Variants in FBXO4 observed in about 807,000 individuals in gnomAD.
The protein encoded by FBXO4 is F-box protein 4.
In FBXO4, 36 loss-of-function variants were observed where a neutral mutation model predicts 43.7. The ratio of observed to expected loss-of-function variants is 0.82; its 90% CI spans 0.63 to 1.09. The LOEUF is 1.09. FBXO4 is among the 50% of genes least tolerant of loss of function. The pLI, the probability that FBXO4 is intolerant of heterozygous loss-of-function variation, is 0.00. For missense variants in FBXO4, 435 were observed against 474.1 expected (o/e 0.92, Z 0.77); for synonymous variants, 180 against 165.6 (o/e 1.09, Z -0.67).
downstream of FBXO4, among the ~76,000 whole-genome samples, chr5:41,944,445 A>G (rs571784207): frequency 5.3e-5 from 8 of 152,310 alleles, no homozygotes; most frequent in South Asian, 1.2e-3. Flanking sequence ...TAGAAGAGAG[A>G]AACTTTCTCA....
Position 41,933,910 on chromosome 5 carries a change from A to G in FBXO4, c.647-36A>G, listed in dbSNP as rs1751769704. 9 of 1,538,094 alleles carry G rather than the reference A, an allele frequency of 5.9e-6. No individual in the cohort carries two copies. The East Asian group carries it at 2.0e-4, about 35-fold the overall frequency. ...GTGTGATCTTTTGCTATTTTTATTA[A>G]TGATTTGTTTTGGTAACTGTGATTT... On this transcript the variant is annotated intron_variant, in intron 3 of 6. Coordinates refer to ENST00000281623, the MANE Select transcript of FBXO4 (RefSeq NM_012176.3).
the FBXO4 span, among the ~76,000 whole-genome samples, chr5:42,010,940 A>C: frequency 6.6e-6 from 1 of 151,978 alleles, no homozygotes; most frequent in Non-Finnish European, 1.5e-5. Flanking sequence ...GGTTTGTTAC[A>C]TAGGTATATA....
the FBXO4 span, among the ~76,000 whole-genome samples, chr5:41,961,482 C>A: frequency 6.6e-6 from 1 of 152,286 alleles, no homozygotes; most frequent in East Asian, 1.9e-4. Context: ...ATGATAATGG[C>A]ACAGGTGTCT....
chr5:41,964,225 T>G, the FBXO4 span, among the ~76,000 whole-genome samples: 10 of 152,348 alleles, frequency 6.6e-5, 1 homozygote, highest in East Asian at 1.7e-3. Flanking sequence ...TTAGTCTTTC[T>G]TGTACTCTGA....
At chr5:41,984,359 T>G in the FBXO4 span, among the ~76,000 whole-genome samples, 1 of 152,232 alleles carries the variant, frequency 6.6e-6, no homozygotes, top group Non-Finnish European at 1.5e-5. Context: ...TCACCTCCAC[T>G]TCTTTAAATT....
At chr5:42,011,391 T>A in the FBXO4 span, among the ~76,000 whole-genome samples, 1 of 152,190 alleles carries the variant, frequency 6.6e-6, no homozygotes, top group African/African-American at 2.4e-5. Context: ...ACATGCCCAT[T>A]ACCAGAAAGC....
At chr5:42,009,059 G>T in the FBXO4 span, among the ~76,000 whole-genome samples, 1 of 152,116 alleles carries the variant, frequency 6.6e-6, no homozygotes, top group African/African-American at 2.4e-5. Flanking sequence ...CCTCATTCCC[G>T]CTAGACTTTC....
the FBXO4 span, among the ~76,000 whole-genome samples, chr5:41,997,903 C>T: frequency 6.6e-6 from 1 of 152,158 alleles, no homozygotes; most frequent in Non-Finnish European, 1.5e-5. Context: ...TCAAAGGGTT[C>T]TAGGCCTATA....
chr5:42,021,379 C>T, the FBXO4 span, among the ~76,000 whole-genome samples: 1 of 152,048 alleles, frequency 6.6e-6, no homozygotes, highest in African/African-American at 2.4e-5. Context: ...TCAGAGATGA[C>T]TCCTAGGTCT....
At chr5:42,027,045 G>A in the FBXO4 span, among the ~76,000 whole-genome samples, 189 of 151,896 alleles carry the variant, frequency 1.2e-3, no homozygotes, top group African/African-American at 4.5e-3. Flanking sequence ...TTGGGATCGG[G>A]GTAATGCTGG....
chr5:41,927,050 C>A lies in FBXO4; in HGVS notation c.227C>A (p.Pro76His). 1.2e-6 allele frequency: 2 copies of A among 1,613,144 alleles called. No homozygotes were observed. The highest frequency in any genetic ancestry group is 1.7e-6 in the Non-Finnish European group (2 of 1,179,634). The change falls in exon 2 of 7, where the codon CCT becomes CAT. Residue 76 changes from proline (P) to histidine (H), a missense_variant. Transcript: ENST00000281623. ...CTATATATTTTGTCCTTTCTTTCAC[C>A]TCATGATCTGTGTCAGTTGGGAAGT... Reference protein sequence around the residue: ...VQLYILSFLSPHDLCQLGSTN... With the variant: ...VQLYILSFLSHHDLCQLGSTN...
the FBXO4 span, among the ~76,000 whole-genome samples, chr5:41,962,723 G>C: frequency 2.6e-5 from 4 of 152,096 alleles, no homozygotes; most frequent in African/African-American, 9.7e-5. Context: ...GTTTCTCTTA[G>C]CATTCCTACC....
chr5:41,934,943 TGTATATA>T, intron 5 of FBXO4: 1 of 941,282 alleles, frequency 1.1e-6, no homozygotes, highest in Non-Finnish European at 1.3e-6. Context: ...CATAATATAT[TGTATATA>T]TATTATAGTT....
At chr5:41,949,909 C>T in the FBXO4 span, among the ~76,000 whole-genome samples, 1 of 152,072 alleles carries the variant, frequency 6.6e-6, no homozygotes, top group Non-Finnish European at 1.5e-5. Flanking sequence ...GAAATAATGC[C>T]ACATATCTAC....
the FBXO4 span, among the ~76,000 whole-genome samples, chr5:42,006,820 A>G: frequency 6.7e-6 from 1 of 148,456 alleles, no homozygotes; most frequent in African/African-American, 2.5e-5. Flanking sequence ...TTTGCAGAAT[A>G]TAGCCAAGGC....
At chr5:41,927,402 C>T in intron 2 of FBXO4, among the ~76,000 whole-genome samples, 154 bp downstream of exon 2, 1 of 152,210 alleles carries the variant, frequency 6.6e-6, no homozygotes, top group East Asian at 1.9e-4. Context: ...TGACTTCCTT[C>T]ATAGGACCCT....
the FBXO4 span, among the ~76,000 whole-genome samples, chr5:42,035,003 ATTTG>A: frequency 6.6e-6 from 1 of 151,998 alleles, no homozygotes; most frequent in African/African-American, 2.4e-5. Context: ...ATGTTTTTCC[ATTTG>A]TTTGTGTCCT....
chr5:41,963,516 T>C, the FBXO4 span, among the ~76,000 whole-genome samples: 1 of 152,190 alleles, frequency 6.6e-6, no homozygotes, highest in Non-Finnish European at 1.5e-5. Context: ...TAACCTACTT[T>C]GACCAGAAGT....
At chr5:41,931,473 G>A (rs1216638908) in intron 3 of FBXO4, among the ~76,000 whole-genome samples, 1 of 152,194 alleles carries the variant, frequency 6.6e-6, no homozygotes, top group African/African-American at 2.4e-5. Context: ...CTATTCTTTG[G>A]AATATGTTGA....
Sources: allele counts gnomAD v4.1 joint callset (sites outside exome capture counted in the v4.1 genomes callset), GRCh38; gene constraint gnomAD v4.1.1; transcripts MANE v1.5; gene names NCBI Gene and HGNC (gene_info 2026-07-23, HGNC 2026-07-21).